CAMTA1: variants seen among roughly 807,000 people sequenced by gnomAD.
The protein encoded by CAMTA1 is calmodulin-binding transcription activator 1.
A neutral mutation model predicts 170.9 loss-of-function variants in CAMTA1; 27 were observed. That is an observed-to-expected ratio of 0.16 (90% CI 0.12 to 0.22). The LOEUF (loss-of-function observed/expected upper bound fraction) is 0.22, where lower values mean the gene tolerates loss of function less well. Ranked by LOEUF, CAMTA1 falls within the 10% of genes least tolerant of loss-of-function variation. The probability of loss-of-function intolerance (pLI) is 1.00; values close to 1 mark genes in which losing one functional copy is unlikely to be tolerated. For missense variants in CAMTA1, 1,619 were observed against 2,217.2 expected, an observed-to-expected ratio of 0.73 and a Z score of 5.42; for synonymous variants, 833 against 891.5, an observed-to-expected ratio of 0.93 and a Z score of 1.17.
At chr1:7,503,410 C>G (rs2094043004) in intron 6 of CAMTA1, among the ~76,000 whole-genome samples, 1 of 152,160 alleles carries the variant, frequency 6.6e-6, no homozygotes, top group Admixed American at 6.5e-5. Flanking sequence ...AGCCTTGGGT[C>G]CTGGGGTAAT....
At chr1:6,944,882 A>G (rs1319745846) in intron 3 of CAMTA1, among the ~76,000 whole-genome samples, 1 of 152,220 alleles carries the variant, frequency 6.6e-6, no homozygotes, top group Non-Finnish European at 1.5e-5. Flanking sequence ...TGCTCTGAGC[A>G]TATTTAAGGT....
rs1214942930 is a variant in CAMTA1, at chr1:7,455,395, A to C, written c.439-12435A>C. Among the ~76,000 whole-genome samples the C allele has an allele frequency of 3.3e-5, 5 of 152,182 alleles. No individual in the cohort carries two copies. In the East Asian group the frequency reaches 9.6e-4, roughly 29 times the overall value. On this transcript the variant is annotated intron_variant, in intron 5 of 22. Transcript: ENST00000303635. The surrounding 1 kb of genome is among the most constrained non-coding windows in gnomAD (Gnocchi z 5.0). ...AATTCTGCATGCTCAGGCCGAATTAACCTTGGCAAGCCTTCAAGAGGAGAG... is the reference window on the plus strand; with the variant it reads ...AATTCTGCATGCTCAGGCCGAATTACCCTTGGCAAGCCTTCAAGAGGAGAG...
At chr1:7,075,724 ACT>A (rs1451322836) in intron 3 of CAMTA1, among the ~76,000 whole-genome samples, 1 of 142,080 alleles carries the variant, frequency 7.0e-6, no homozygotes, top group African/African-American at 2.6e-5. Context: ...GTGCAGTGGC[ACT>A]CTCTCTGCTT....
chr1:7,118,515 T>C (rs560678453), intron 4 of CAMTA1, among the ~76,000 whole-genome samples: 1 of 151,906 alleles, frequency 6.6e-6, no homozygotes, highest in South Asian at 2.1e-4. Flanking sequence ...CCCCAGGCTG[T>C]TGGCATCCCA....
At chr1:7,108,413 A>C (rs1643815287) in intron 4 of CAMTA1, among the ~76,000 whole-genome samples, 2 of 152,230 alleles carry the variant, frequency 1.3e-5, no homozygotes, top group Admixed American at 6.5e-5. Context: ...ATCTGTTCCA[A>C]ACCGCAGACC....
intron 3 of CAMTA1, among the ~76,000 whole-genome samples, chr1:7,009,556 G>A (rs899080805): frequency 5.9e-5 from 9 of 152,280 alleles, no homozygotes; most frequent in East Asian, 1.9e-4. Flanking sequence ...CTGTGTTGCC[G>A]TAGCCCTTGA....
chr1:7,417,135 A>T (rs1167960889), intron 5 of CAMTA1, among the ~76,000 whole-genome samples: 1 of 152,316 alleles, frequency 6.6e-6, no homozygotes, highest in South Asian at 2.1e-4. Context: ...GTTCCTCTGG[A>T]AGTTTTGTCT....
Position 6,962,901 on chromosome 1 carries a change from C to T in CAMTA1, c.235-128403C>T, listed in dbSNP as rs1004072736. Among the ~76,000 whole-genome samples the T allele has an allele frequency of 4.7e-5, 7 of 148,092 alleles. No homozygotes were observed. The East Asian group carries it at 6.2e-4, about 13-fold the overall frequency. ...GCCCCACCCTCCATCCCTTTTGGTCCCTCCTTGCCTGCCGAGCTCCTCTGG... is the reference window on the plus strand; with the variant it reads ...GCCCCACCCTCCATCCCTTTTGGTCTCTCCTTGCCTGCCGAGCTCCTCTGG... On this transcript the variant is annotated intron_variant, in intron 3 of 22. Coordinates refer to ENST00000303635, the MANE Select transcript of CAMTA1 (RefSeq NM_015215.4).
chr1:7,408,421 C>T (rs764091381), intron 5 of CAMTA1, among the ~76,000 whole-genome samples: 1 of 152,258 alleles, frequency 6.6e-6, no homozygotes, highest in Non-Finnish European at 1.5e-5. Context: ...CCCCTCCTCC[C>T]CATGCCTCGC....
intron 6 of CAMTA1, among the ~76,000 whole-genome samples, chr1:7,498,745 A>T (rs1557819624): frequency 2.1e-5 from 2 of 93,210 alleles, no homozygotes; most frequent in African/African-American, 1.1e-4. Flanking sequence ...AGAGAGGATG[A>T]GTGTGCAGAG....
At chr1:7,617,967 G>A (rs111722245) in intron 6 of CAMTA1, among the ~76,000 whole-genome samples, 2 of 152,148 alleles carry the variant, frequency 1.3e-5, no homozygotes, top group African/African-American at 4.8e-5. Context: ...TTAGTTCTTA[G>A]CATGCTCTGG....
At chr1:7,571,028 C>T (rs1421382609) in intron 6 of CAMTA1, among the ~76,000 whole-genome samples, 1 of 152,200 alleles carries the variant, frequency 6.6e-6, no homozygotes, top group African/African-American at 2.4e-5. Context: ...CCTGTGCATG[C>T]TCTGCAACAA....
At chr1:7,221,598 T>A (rs1354366979) in intron 4 of CAMTA1, among the ~76,000 whole-genome samples, 1 of 151,894 alleles carries the variant, frequency 6.6e-6, no homozygotes, top group Non-Finnish European at 1.5e-5. Flanking sequence ...GTGAAACACC[T>A]CTCCAGGCCC....
intron 3 of CAMTA1, among the ~76,000 whole-genome samples, chr1:6,856,694 A>G (rs1413461950): frequency 6.6e-6 from 1 of 152,238 alleles, no homozygotes. Context: ...TAAAGGGTGT[A>G]AGAAGGAAAA....
intron 6 of CAMTA1, among the ~76,000 whole-genome samples, chr1:7,481,305 A>G (rs1285892255): frequency 6.6e-6 from 1 of 152,142 alleles, no homozygotes; most frequent in African/African-American, 2.4e-5. Flanking sequence ...GAAGACCTGT[A>G]CCCTTGACCT....
rs1553180482 is a variant in CAMTA1, at chr1:6,902,078, A to AAAAAT, written c.234+76872_234+76873insTAAAA. Among the ~76,000 whole-genome samples, 432 of 86,368 alleles carry AAAAAT rather than the reference A, an allele frequency of 5.0e-3. 2 individuals are homozygous for AAAAAT. Among genetic ancestry groups the AAAAAT allele is most frequent in the African/African-American group, 0.013 (369 of 28,534 alleles). The allele number at this position is 86,368 out of a possible 152,430, so 56.7% of individuals were successfully genotyped here. A position where few individuals can be genotyped will look rare whatever the true frequency, so the allele number is the denominator to read the frequency against. ...ACACACACACACACACACACAAAAAAAAAAATAAAAATAAAAACTCGTACT... is the reference window on the plus strand; with the variant it reads ...ACACACACACACACACACACAAAAAAAAAATAAAAATAAAAATAAAAACTCGTACT... On this transcript the variant is annotated intron_variant, in intron 3 of 22. Transcript: ENST00000303635.
Position 6,814,513 on chromosome 1 carries a change from A to G in CAMTA1, c.46-5668A>G, listed in dbSNP as rs560236911. ...AAGTCTTCTGCCACAAGGTAGAAGG[A>G]GCACAGGCAGCAGAGCCACTGCTGT... On this transcript the variant is annotated intron_variant, in intron 1 of 22. Coordinates refer to ENST00000303635, the MANE Select transcript of CAMTA1 (RefSeq NM_015215.4). Among the ~76,000 whole-genome samples the G allele has an allele frequency of 1.4e-4, 21 of 152,288 alleles. No homozygotes were observed. The South Asian group carries it at 3.3e-3, about 24-fold the overall frequency.
At chr1:6,803,073 G>T (rs1036380479) in intron 1 of CAMTA1, among the ~76,000 whole-genome samples, 1 of 152,206 alleles carries the variant, frequency 6.6e-6, no homozygotes, top group African/African-American at 2.4e-5. Context: ...TTGAATAGTG[G>T]AGAAGCAGAA....
intron 4 of CAMTA1, among the ~76,000 whole-genome samples, chr1:7,215,796 A>G (rs1478692260): frequency 2.0e-5 from 3 of 152,222 alleles, no homozygotes; most frequent in African/African-American, 7.2e-5. Context: ...TTAGACTGTG[A>G]TCAGAAAATA....
Sources: allele counts gnomAD v4.1 joint callset (sites outside exome capture counted in the v4.1 genomes callset), GRCh38; gene constraint gnomAD v4.1.1; non-coding constraint Gnocchi (gnomAD v3.1); transcripts MANE v1.5; gene names NCBI Gene and HGNC (gene_info 2026-07-23, HGNC 2026-07-21).